ARHGAP29: variants seen among roughly 807,000 people sequenced by gnomAD.
The protein encoded by ARHGAP29 is rho GTPase-activating protein 29.
A neutral mutation model predicts 122.6 loss-of-function variants in ARHGAP29; 43 were observed. The observed-to-expected ratio is 0.35, with a 90% confidence interval of 0.27 to 0.45. The LOEUF (loss-of-function observed/expected upper bound fraction) is 0.45. Among genes scored for constraint, ARHGAP29 ranks in the 20% least tolerant of loss-of-function variants. The pLI, the probability that ARHGAP29 is intolerant of heterozygous loss-of-function variation, is 1.00. For synonymous variants in ARHGAP29, 506 were observed against 497.1 expected (o/e 1.02, Z -0.24); for missense variants, 1,303 against 1,477.2 (o/e 0.88, Z 1.93).
chr1:94,234,261 G>T (rs1004182592), intron 1 of ARHGAP29, among the ~76,000 whole-genome samples: 24 of 152,198 alleles, frequency 1.6e-4, no homozygotes, highest in African/African-American at 5.8e-4. Flanking sequence ...TATGAGGAAT[G>T]AACTACTTAG....
At chr1:94,184,816 T>C (rs1390812978) in intron 18 of ARHGAP29, 56 bp downstream of exon 18, 2 of 1,354,558 alleles carry the variant, frequency 1.5e-6, no homozygotes, top group African/African-American at 3.0e-5. Flanking sequence ...TCCTTTTCAT[T>C]AGAATAGGTT....
At chr1:94,284,100 AAC>A in the ARHGAP29 span, among the ~76,000 whole-genome samples, 5 of 145,316 alleles carry the variant, frequency 3.4e-5, no homozygotes, top group Admixed American at 2.8e-4. Context: ...AAAAAAAAAA[AAC>A]CATCAAGCCA....
intron 1 of ARHGAP29, among the ~76,000 whole-genome samples, chr1:94,247,311 G>C (rs988962143): frequency 1.3e-5 from 2 of 151,970 alleles, no homozygotes; most frequent in East Asian, 1.9e-4. Flanking sequence ...AGTCCTGTAA[G>C]GGGAGGAAAG....
At chr1:94,278,133 G>A (rs1004190499), upstream of ARHGAP29, among the ~76,000 whole-genome samples, 4 of 152,058 alleles carry the variant, frequency 2.6e-5, no homozygotes, top group Admixed American at 6.6e-5. Context: ...CTGGGCAACA[G>A]AGCAAAACCC....
At position 94,174,699 on chromosome 1, in the gene ARHGAP29, T is replaced by C. The variant is rs995072095; in HGVS notation, c.2956A>G (p.Ile986Val). 14 of 1,613,964 alleles carry C rather than the reference T, an allele frequency of 8.7e-6. No individual in the cohort carries two copies. Among genetic ancestry groups the C allele is most frequent in the Non-Finnish European group, 1.1e-5 (13 of 1,180,018 alleles). Residue 986 changes from isoleucine to valine, a missense_variant, in exon 23 of 23, where the codon ATA becomes GTA. This residue lies in a region of ARHGAP29 where 620 missense variants were observed against 651.2 expected (regional missense o/e 0.95). Transcript: ENST00000260526. The stretch of plus-strand genomic sequence containing the variant: ...GGCTTAGGGGTTTTACCATCTTCTA[T>C]CTTTTGGGATGCTGATTCAGCCTCT... ...DQEAESASQKIEDGKTPKPLS... is the reference protein window; with the variant it reads ...DQEAESASQKVEDGKTPKPLS...
rs1244249424 is a variant in ARHGAP29, at chr1:94,188,898, A to C, written c.1620T>G (p.Asp540Glu). The change falls in exon 15 of 23, where the codon GAT becomes GAG. Residue 540 changes from aspartate (D) to glutamate (E), a missense_variant. Physicochemically the swap from Asp to Glu is conservative, Grantham distance 45 (BLOSUM62 2). Transcript: ENST00000260526. ...IRSWTFGMFS[D>E]SESTGGSSES... ...CGCTGCTCCCTCCAGTGCTCTCAGA[A>C]TCACTAAACATCCCAAATGTCCATG... 1 of 1,613,132 alleles carries C rather than the reference A, an allele frequency of 6.2e-7. No homozygotes were observed. Among genetic ancestry groups the C allele is most frequent in the Admixed American group, 1.7e-5 (1 of 59,958 alleles).
At chr1:94,211,158 G>A (rs1478703324) in intron 3 of ARHGAP29, among the ~76,000 whole-genome samples, 6 of 150,846 alleles carry the variant, frequency 4.0e-5, no homozygotes, top group Non-Finnish European at 7.4e-5. Flanking sequence ...ATGGTGACGC[G>A]TGCCTGTAAT....
chr1:94,296,553 C>A, the ARHGAP29 span, among the ~76,000 whole-genome samples: 1 of 152,094 alleles, frequency 6.6e-6, no homozygotes, highest in East Asian at 1.9e-4. Flanking sequence ...GGAACATATC[C>A]CCTCAATCAG....
At chr1:94,264,269 C>A (rs1654672467) in intron 1 of ARHGAP29, among the ~76,000 whole-genome samples, 1 of 152,084 alleles carries the variant, frequency 6.6e-6, no homozygotes, top group South Asian at 2.1e-4. Flanking sequence ...TCTTTGGTTC[C>A]TCTCTGAGTC....
Position 94,174,111 on chromosome 1 carries a change from TCTC to T in ARHGAP29, c.3541_3543del (p.Glu1181del), listed in dbSNP as rs1648930829. 7.4e-6 allele frequency: 12 copies of T among 1,614,140 alleles called. No homozygotes were observed. Among genetic ancestry groups the T allele is most frequent in the Non-Finnish European group, 9.3e-6 (11 of 1,180,020 alleles). ...ACTGCTGCTGAGGGTGAAGCTGGCT[TCTC>T]CTCATTCCCCCTGATACTGATGATG... is the stretch of plus-strand genomic sequence containing the variant. On this transcript the variant is annotated inframe_deletion, in exon 23 of 23. Transcript: ENST00000260526.
rs1488890510 is a variant in ARHGAP29, at chr1:94,184,184, A to G, written c.2214T>C (p.Asp738=). Residue 738 remains aspartate (D), a synonymous_variant, in exon 19 of 23, where the codon GAT becomes GAC. Transcript: ENST00000260526. ...LVDISEFSSH[D]ICDVLKLYLR... is the part of the protein sequence containing the mutation. ...GGTATAATTTCAAGACGTCACAGAT[A>G]TCATGTGAACTAAATTCTGAAATAT... 6 of 1,610,118 alleles carry G rather than the reference A, an allele frequency of 3.7e-6. No homozygotes were observed. Among genetic ancestry groups the G allele is most frequent in the Non-Finnish European group, 5.1e-6 (6 of 1,178,750 alleles).
At chr1:94,187,455 T>A (rs1649880262) in intron 15 of ARHGAP29, among the ~76,000 whole-genome samples, 2 of 152,220 alleles carry the variant, frequency 1.3e-5, no homozygotes, top group Admixed American at 6.5e-5. Flanking sequence ...CTCCATTTTA[T>A]AACTATTCTA....
the ARHGAP29 span, chr1:94,302,466 C>A: frequency 2.8e-6 from 1 of 358,346 alleles, no homozygotes; most frequent in East Asian, 8.1e-5. Flanking sequence ...TCAGCAATGC[C>A]TCCTGCACCA....
chr1:94,239,953 G>A (rs1653514382), upstream of ARHGAP29, among the ~76,000 whole-genome samples: 2 of 152,158 alleles, frequency 1.3e-5, no homozygotes, highest in Admixed American at 1.3e-4. Context: ...ACTGGAGAAT[G>A]ATGCACCATG....
chr1:94,255,792 T>C (rs1236439867), intron 1 of ARHGAP29, among the ~76,000 whole-genome samples: 3 of 152,228 alleles, frequency 2.0e-5, no homozygotes, highest in African/African-American at 7.2e-5. Context: ...AGGGATGCCC[T>C]GGTCTCTTCA....
chr1:94,313,514 G>A, the ARHGAP29 span, among the ~76,000 whole-genome samples: 1,533 of 152,268 alleles, frequency 0.01, 25 homozygotes, highest in African/African-American at 0.035. Context: ...AGAAATAGGA[G>A]CGCTTTTACA....
chr1:94,234,387 T>C (rs997801225), intron 1 of ARHGAP29, among the ~76,000 whole-genome samples: 1 of 152,114 alleles, frequency 6.6e-6, no homozygotes, highest in Non-Finnish European at 1.5e-5. Flanking sequence ...TTTAAAAAAC[T>C]CTCTAAAATG....
chr1:94,226,557 T>G (rs1652624486), intron 2 of ARHGAP29, among the ~76,000 whole-genome samples: 1 of 151,922 alleles, frequency 6.6e-6, no homozygotes, highest in African/African-American at 2.4e-5. Context: ...TTGAAGAAAT[T>G]AAGCTTAATG....
chr1:94,178,059 G>A lies in ARHGAP29; in HGVS notation c.2589C>T (p.Ser863=), dbSNP rs1557838001. 1 of 1,614,186 alleles carries A rather than the reference G, an allele frequency of 6.2e-7. No homozygotes were observed. Residue 863 remains serine, a synonymous_variant, in exon 21 of 23, where the codon TCC becomes TCT. Coordinates refer to ENST00000260526, the MANE Select transcript of ARHGAP29 (RefSeq NM_004815.4). ...CTTGATTTGAATACTCTGCAAGGGA[G>A]GAGATGGTGATAGGAGCAGTTGTGG... ...PRPTTAPITI[S]SLAEYSNQAR...
Sources: allele counts gnomAD v4.1 joint callset (sites outside exome capture counted in the v4.1 genomes callset), GRCh38; gene constraint gnomAD v4.1.1; regional missense constraint gnomAD v4.1.1; transcripts MANE v1.5; gene names NCBI Gene and HGNC (gene_info 2026-07-23, HGNC 2026-07-21).